ANKRD17: variants seen among roughly 807,000 people sequenced by gnomAD.
ANKRD17 encodes ankyrin repeat domain-containing protein 17.
In ANKRD17, 19 loss-of-function variants were observed where a neutral mutation model predicts 229.7. The ratio of observed to expected loss-of-function variants is 0.08; its 90% CI spans 0.06 to 0.12. The LOEUF (loss-of-function observed/expected upper bound fraction) is 0.12, where lower values mean the gene tolerates loss of function less well. Ranked by LOEUF, ANKRD17 falls within the 10% of genes least tolerant of loss-of-function variation. ANKRD17 has a pLI of 1.00. For synonymous variants in ANKRD17, 1,112 were observed against 1,146.1 expected, an observed-to-expected ratio of 0.97 and a Z score of 0.60; for missense variants, 2,176 against 3,176.8, an observed-to-expected ratio of 0.68 and a Z score of 7.57.
intron 1 of ANKRD17, among the ~76,000 whole-genome samples, chr4:73,218,306 T>C (rs188090842): frequency 5.3e-5 from 8 of 152,266 alleles, no homozygotes; most frequent in Admixed American, 2.0e-4. Flanking sequence ...AATACTAGTA[T>C]TAAAATATGT....
chr4:73,094,533 A>G (rs1428201382), intron 27 of ANKRD17, among the ~76,000 whole-genome samples: 10 of 152,082 alleles, frequency 6.6e-5, no homozygotes, highest in Non-Finnish European at 1.5e-4. Context: ...TGCAAATACT[A>G]ACGGTAAATA....
chr4:73,105,385 TAAAG>T (rs1724493622), intron 24 of ANKRD17, among the ~76,000 whole-genome samples: 1 of 151,124 alleles, frequency 6.6e-6, no homozygotes, highest in South Asian at 2.1e-4. Context: ...TATACATATA[TAAAG>T]AGAGTTTATG....
At chr4:73,100,826 C>T (rs1723887517) in intron 25 of ANKRD17, 3 of 982,918 alleles carry the variant, frequency 3.1e-6, no homozygotes, top group Non-Finnish European at 3.6e-6. Context: ...AAATTAAAAA[C>T]AAAACAAAAC....
intron 1 of ANKRD17, among the ~76,000 whole-genome samples, chr4:73,246,081 C>T (rs964283264): frequency 6.6e-6 from 1 of 152,072 alleles, no homozygotes; most frequent in African/African-American, 2.4e-5. Flanking sequence ...AGGAAGATAA[C>T]AAACAAGAAA....
At position 73,189,380 on chromosome 4, in the gene ANKRD17, G is replaced by A. The variant is rs192337207; in HGVS notation, c.394-11847C>T. Among the ~76,000 whole-genome samples the A allele has an allele frequency of 2.3e-3, 348 of 149,264 alleles. 1 individual carries two copies. The highest frequency in any genetic ancestry group is 0.016 in the South Asian group (76 of 4,750). On this transcript the variant is annotated intron_variant, in intron 1 of 33. Transcript: ENST00000358602. Reference sequence around the variant, plus strand: ...CAAATAAAATTAATCATACATATACGGTGATATTCCTCTGCCTGGAATGTT... The same window carrying A: ...CAAATAAAATTAATCATACATATACAGTGATATTCCTCTGCCTGGAATGTT...
chr4:73,113,982 G>T, intron 23 of ANKRD17, 74 bp from the exon 24 acceptor site: 1 of 1,075,972 alleles, frequency 9.3e-7, no homozygotes. Flanking sequence ...AAAACACGAA[G>T]ATCTTTAGTA....
At chr4:73,163,043 T>TG (rs1368237275) in intron 2 of ANKRD17, among the ~76,000 whole-genome samples, 1 of 151,720 alleles carries the variant, frequency 6.6e-6, no homozygotes, top group Non-Finnish European at 1.5e-5. Context: ...TTTTTTTTTT[T>TG]TTGTTAGAGA....
Position 73,139,745 on chromosome 4 carries a change from C to T in ANKRD17, c.2871G>A (p.Ala957=), listed in dbSNP as rs755293221. ...QMGFAPIQPL[A]MPQALPLAAG... Reference sequence around the variant, plus strand: ...CCGCCAGAGGCAAAGCTTGAGGCATCGCCAGAGGCTGGATTGGCGCAAAAC... The same window carrying T: ...CCGCCAGAGGCAAAGCTTGAGGCATTGCCAGAGGCTGGATTGGCGCAAAAC... Residue 957 remains alanine, a synonymous_variant, in exon 15 of 34, where the codon GCG becomes GCA. Coordinates refer to ENST00000358602, the MANE Select transcript of ANKRD17 (RefSeq NM_032217.5). The T allele has an allele frequency of 1.5e-5, 24 of 1,614,042 alleles. No homozygotes were observed. The Middle Eastern group carries it at 4.9e-4, about 33-fold the overall frequency.
intron 1 of ANKRD17, among the ~76,000 whole-genome samples, chr4:73,216,890 T>G (rs911672577): frequency 7.9e-5 from 12 of 152,146 alleles, no homozygotes; most frequent in African/African-American, 2.9e-4. Context: ...CATTTAACAA[T>G]TATAAACACC....
At chr4:73,240,959 C>T (rs2149261101) in intron 1 of ANKRD17, among the ~76,000 whole-genome samples, 1 of 151,956 alleles carries the variant, frequency 6.6e-6, no homozygotes, top group Non-Finnish European at 1.5e-5. Flanking sequence ...CAGGAGCATG[C>T]CACCACACCC....
chr4:73,226,044 C>T (rs1354271575), intron 1 of ANKRD17, among the ~76,000 whole-genome samples: 1 of 133,886 alleles, frequency 7.5e-6, no homozygotes, highest in African/African-American at 2.9e-5. Flanking sequence ...GGCACAATCT[C>T]GGCTCACAGC....
At chr4:73,146,707 A>G in intron 10 of ANKRD17, 57 bp downstream of exon 10, 1 of 1,280,196 alleles carries the variant, frequency 7.8e-7, no homozygotes, top group Non-Finnish European at 1.1e-6. Flanking sequence ...ACTCTCCATA[A>G]TTTAAAATTA....
chr4:73,082,200 A>T (rs139746398), intron 30 of ANKRD17, among the ~76,000 whole-genome samples: 3 of 150,960 alleles, frequency 2.0e-5, no homozygotes, highest in African/African-American at 7.3e-5. Flanking sequence ...GGTGGCTCAC[A>T]TCTGTAATCT....
intron 25 of ANKRD17, chr4:73,101,217 T>A: frequency 1.0e-6 from 1 of 976,412 alleles, no homozygotes; most frequent in Non-Finnish European, 1.2e-6. Context: ...CCATCCCAAA[T>A]AACCTTTTGA....
intron 1 of ANKRD17, among the ~76,000 whole-genome samples, chr4:73,254,287 A>C (rs977893658): frequency 6.6e-6 from 1 of 152,152 alleles, no homozygotes; most frequent in Non-Finnish European, 1.5e-5. Context: ...AAATCCTTTC[A>C]ATACTAAGTC....
At position 73,074,548 on chromosome 4, in the gene ANKRD17, A is replaced by G. The variant is rs1273227469; in HGVS notation, c.*1683T>C. 1.3e-5 allele frequency: 2 copies of G among 151,954 alleles called. No individual in the cohort carries two copies. Among genetic ancestry groups the G allele is most frequent in the Non-Finnish European group, 2.9e-5 (2 of 67,848 alleles). 9.4% of individuals were successfully genotyped at this position (151,954 alleles called of 1,614,324 possible). A position where few individuals can be genotyped will look rare whatever the true frequency, so the allele number is the denominator to read the frequency against. On this transcript the variant is annotated 3_prime_UTR_variant, in exon 34 of 34. Coordinates refer to ENST00000358602, the MANE Select transcript of ANKRD17 (RefSeq NM_032217.5). ...ATATTTTAAGACCACTTCTTAAACTAAAAGATATGAGTGTACTGTTTACAA... is the reference window on the plus strand; with the variant it reads ...ATATTTTAAGACCACTTCTTAAACTGAAAGATATGAGTGTACTGTTTACAA...
intron 16 of ANKRD17, among the ~76,000 whole-genome samples, chr4:73,134,848 A>G (rs944445721): frequency 6.6e-6 from 1 of 152,128 alleles, no homozygotes; most frequent in African/African-American, 2.4e-5. Flanking sequence ...ATCTTAAATA[A>G]ATTATTTTTC....
intron 24 of ANKRD17, among the ~76,000 whole-genome samples, chr4:73,110,399 C>G (rs1040705363): frequency 1.3e-5 from 2 of 152,146 alleles, no homozygotes; most frequent in African/African-American, 4.8e-5. Context: ...TTGGCCAGGC[C>G]GGATTTGAAT....
chr4:73,098,938 A>T (rs1723620254), intron 25 of ANKRD17: 1 of 1,000,364 alleles, frequency 1.0e-6, no homozygotes, highest in African/African-American at 1.6e-5. Context: ...GTTCCGGGAC[A>T]GCACTGGTAG....
Sources: allele counts gnomAD v4.1 joint callset (sites outside exome capture counted in the v4.1 genomes callset), GRCh38; gene constraint gnomAD v4.1.1; transcripts MANE v1.5; gene names NCBI Gene and HGNC (gene_info 2026-07-23, HGNC 2026-07-21).